Variants in NAA35 observed in about 807,000 individuals in gnomAD.
The protein encoded by NAA35 is N-alpha-acetyltransferase 35, NatC auxiliary subunit.
A neutral mutation model predicts 101.7 loss-of-function variants in NAA35; 18 were observed. The ratio of observed to expected loss-of-function variants is 0.18; its 90% CI spans 0.12 to 0.26. The LOEUF is 0.26. NAA35 is among the 10% of genes least tolerant of loss of function. The pLI is 1.00. For synonymous variants in NAA35, 267 were observed against 273.1 expected, an observed-to-expected ratio of 0.98 and a Z score of 0.22; for missense variants, 601 against 886.8, an observed-to-expected ratio of 0.68 and a Z score of 4.09.
At chr9:85,952,146 GT>G (rs1829045390) in intron 2 of NAA35, among the ~76,000 whole-genome samples, 1 of 151,320 alleles carries the variant, frequency 6.6e-6, no homozygotes, top group African/African-American at 2.4e-5. Flanking sequence ...ACAGACGTCA[GT>G]TTTTCTTGAA....
Position 85,956,393 on chromosome 9 carries a change from T to C in NAA35, c.158T>C (p.Leu53Pro). The C allele has an allele frequency of 7.1e-7, 1 of 1,412,212 alleles. No homozygotes were observed. The highest frequency in any genetic ancestry group is 9.6e-7 in the Non-Finnish European group (1 of 1,042,274). 87.5% of individuals were successfully genotyped at this position (1,412,212 alleles called of 1,614,324 possible). The change falls in exon 3 of 23, where the codon CTA (leucine) becomes CCA (proline). Residue 53 changes from leucine (L) to proline (P), a missense_variant and splice_region_variant. Leu to Pro is a moderately conservative substitution (Grantham distance 98). Coordinates refer to ENST00000361671, the MANE Select transcript of NAA35 (RefSeq NM_024635.4). The part of the protein sequence containing the change: ...LKLGELLHDK[L>P]FGLFEAMSAI... The stretch of plus-strand genomic sequence containing the variant: ...TTGGGAGAACTACTTCATGATAAGC[T>C]GTAAGTATTTATCCTTTGAAAATAG...
chr9:86,002,556 TTTC>T (rs1166618849), intron 12 of NAA35, among the ~76,000 whole-genome samples: 2 of 152,152 alleles, frequency 1.3e-5, no homozygotes, highest in Non-Finnish European at 2.9e-5. Flanking sequence ...TTCATTCCTT[TTTC>T]TTCTTTTTTC....
At chr9:85,952,601 T>C (rs544818982) in intron 2 of NAA35, among the ~76,000 whole-genome samples, 145 of 152,232 alleles carry the variant, frequency 9.5e-4, no homozygotes, top group African/African-American at 3.1e-3. Context: ...GTGTTTTTTT[T>C]CCCAAGACAA....
chr9:86,003,608 A>G lies in NAA35; in HGVS notation c.1080A>G (p.Glu360=), dbSNP rs753408181. 8 of 1,598,148 alleles carry G rather than the reference A, an allele frequency of 5.0e-6. No individual in the cohort carries two copies. The highest frequency in any genetic ancestry group is 1.1e-5 in the South Asian group (1 of 88,914). The change falls in exon 13 of 23, where the codon GAA becomes GAG. Residue 360 remains glutamate (E), a synonymous_variant. Transcript: ENST00000361671. ...AGGATTTTTTCTGTGAATTTAGTGA[A>G]CAGTCACCATGTGTTCTTTCAAGAT... ...CILDFFCEFS[E]QSPCVLSRSL...
chr9:85,994,552 C>T (rs1224845361), intron 11 of NAA35, among the ~76,000 whole-genome samples: 2 of 152,136 alleles, frequency 1.3e-5, no homozygotes, highest in East Asian at 1.9e-4. Flanking sequence ...AGCCAAAACT[C>T]GTTATTTTAA....
Position 86,022,766 on chromosome 9 carries a change from A to G in NAA35, c.*806A>G, listed in dbSNP as rs528902471. The stretch of plus-strand genomic sequence containing the variant: ...ATCCTCTGGCTTTGAAAAACTGACT[A>G]CATCCCCCTGTGCTTGCAAGTGCCT... On this transcript the variant is annotated 3_prime_UTR_variant, in exon 23 of 23. Transcript: ENST00000361671. Among the ~76,000 whole-genome samples the G allele has an allele frequency of 6.6e-6, 1 of 152,144 alleles. No individual in the cohort carries two copies. The highest frequency in any genetic ancestry group is 1.5e-5 in the Non-Finnish European group (1 of 68,016).
chr9:85,977,691 AT>A (rs1242018409), intron 10 of NAA35, among the ~76,000 whole-genome samples: 2 of 152,164 alleles, frequency 1.3e-5, no homozygotes, highest in African/African-American at 4.8e-5. Flanking sequence ...AGGTTGTTAT[AT>A]TTTGTGAATT....
chr9:86,013,018 C>A, intron 15 of NAA35, 28 bp from the exon 16 acceptor site: 1 of 1,411,984 alleles, frequency 7.1e-7, no homozygotes, highest in Non-Finnish European at 9.6e-7. Flanking sequence ...TTCATATTTA[C>A]AGTTGACAAA....
chr9:85,970,367 A>G (rs1450897318), intron 6 of NAA35, among the ~76,000 whole-genome samples: 4 of 152,234 alleles, frequency 2.6e-5, no homozygotes, highest in Non-Finnish European at 5.9e-5. Flanking sequence ...GGACAGAAGT[A>G]TAATGAGACA....
rs753785955 is a variant in NAA35, at chr9:85,962,121, A to G, written c.457A>G (p.Ile153Val). 2.0e-5 allele frequency: 32 copies of G among 1,614,148 alleles called. No individual in the cohort carries two copies. Among genetic ancestry groups the G allele is most frequent in the Non-Finnish European group, 2.6e-5 (31 of 1,180,006 alleles). ...TGCTATGAAGGCTTTTGCTCTGGGA[A>G]TCTTGAAAATCTGTGACATTGCAAG... ...DPAMKAFALG[I>V]LKICDIAREK... Residue 153 changes from isoleucine (I) to valine (V), a missense_variant, in exon 6 of 23, where the codon ATC becomes GTC. Ile to Val is a conservative substitution (Grantham distance 29). Coordinates refer to ENST00000361671, the MANE Select transcript of NAA35 (RefSeq NM_024635.4).
intron 6 of NAA35, among the ~76,000 whole-genome samples, chr9:85,969,775 A>G (rs1829923808): frequency 6.6e-6 from 1 of 151,686 alleles, no homozygotes; most frequent in Non-Finnish European, 1.5e-5. Flanking sequence ...AGGCAGGAAG[A>G]TCACTTGAGC....
chr9:85,945,336 G>T (rs1451016711), intron 2 of NAA35, among the ~76,000 whole-genome samples: 1 of 152,130 alleles, frequency 6.6e-6, no homozygotes, highest in African/African-American at 2.4e-5. Context: ...AAGACTGTTG[G>T]CATTTCTTGA....
intron 11 of NAA35, among the ~76,000 whole-genome samples, chr9:85,988,589 C>T (rs934173712): frequency 6.6e-6 from 1 of 152,168 alleles, no homozygotes; most frequent in Non-Finnish European, 1.5e-5. Context: ...CACCTGAGGT[C>T]GGGAGTTTGA....
intron 5 of NAA35, among the ~76,000 whole-genome samples, chr9:85,961,033 A>AGG (rs1829491042): frequency 2.0e-5 from 3 of 152,098 alleles, no homozygotes; most frequent in African/African-American, 7.2e-5. Flanking sequence ...AGTGGTGGAG[A>AGG]AGGAGGAAAG....
At chr9:86,019,224 C>G (rs544053485) in intron 21 of NAA35, among the ~76,000 whole-genome samples, 1 of 152,000 alleles carries the variant, frequency 6.6e-6, no homozygotes, top group Non-Finnish European at 1.5e-5. Flanking sequence ...TTTGGGAGGC[C>G]GAGGTGGGTG....
chr9:86,003,659 G>A lies in NAA35; in HGVS notation c.1116+15G>A. The A allele has an allele frequency of 6.7e-7, 1 of 1,501,904 alleles. No homozygotes were observed. The highest frequency in any genetic ancestry group is 9.2e-7 in the Non-Finnish European group (1 of 1,088,720). 93.0% of individuals were successfully genotyped at this position (1,501,904 alleles called of 1,614,324 possible). A position where few individuals can be genotyped will look rare whatever the true frequency, so the allele number is the denominator to read the frequency against. On this transcript the variant is annotated intron_variant, in intron 13 of 22. Transcript: ENST00000361671. ...CTCTGTTACAAGTAAGTTCCACTTA[G>A]TATCAAAATACTTATTTAAACATTA...
intron 4 of NAA35, among the ~76,000 whole-genome samples, chr9:85,958,830 A>T (rs1387549230): frequency 9.2e-5 from 14 of 152,150 alleles, no homozygotes; most frequent in Admixed American, 9.2e-4. Flanking sequence ...AAAGCATTTG[A>T]CTATATATTC....
At chr9:85,948,875 A>C (rs574366207) in intron 2 of NAA35, among the ~76,000 whole-genome samples, 2 of 151,716 alleles carry the variant, frequency 1.3e-5, no homozygotes, top group Non-Finnish European at 2.9e-5. Flanking sequence ...CTCCTGCCTC[A>C]GCCTCCCGGG....
intron 6 of NAA35, among the ~76,000 whole-genome samples, chr9:85,969,061 C>A (rs980267984): frequency 1.3e-5 from 2 of 152,134 alleles, no homozygotes; most frequent in African/African-American, 4.8e-5. Context: ...TGTTCTCCAG[C>A]TTCAGTCTGC....
Sources: allele counts gnomAD v4.1 joint callset (sites outside exome capture counted in the v4.1 genomes callset), GRCh38; gene constraint gnomAD v4.1.1; transcripts MANE v1.5; gene names NCBI Gene and HGNC (gene_info 2026-07-23, HGNC 2026-07-21).